Variants in GABRG3 observed in about 807,000 individuals in gnomAD.
GABRG3 encodes gamma-aminobutyric acid receptor subunit gamma-3.
Under a neutral mutation model 48.8 loss-of-function variants are expected in GABRG3, and 25 were observed. That is an observed-to-expected ratio of 0.51 (90% CI 0.37 to 0.72). GABRG3 has a LOEUF of 0.72. Among genes scored for constraint, GABRG3 ranks in the 30% least tolerant of loss-of-function variants. The probability of loss-of-function intolerance (pLI) is 0.00; values close to 1 mark genes in which losing one functional copy is unlikely to be tolerated. For missense variants in GABRG3, 394 were observed against 577.9 expected, an observed-to-expected ratio of 0.68 and a Z score of 3.26; for synonymous variants, 227 against 217.6, an observed-to-expected ratio of 1.04 and a Z score of -0.38.
At chr15:27,528,083 T>A in intron 9 of GABRG3, 91 bp downstream of exon 9, 3 of 940,448 alleles carry the variant, frequency 3.2e-6, no homozygotes, top group Non-Finnish European at 5.1e-6. Flanking sequence ...GATGCATGCA[T>A]GTATTGAAGA....
In GABRG3 at chr15:27,270,910, A is replaced by G. The variant is rs150725028; in HGVS notation, c.271-55899A>G. Among the ~76,000 whole-genome samples the G allele has an allele frequency of 9.8e-3, 1,495 of 152,336 alleles. 26 individuals are homozygous for G. Among genetic ancestry groups the G allele is most frequent in the African/African-American group, 0.034 (1,418 of 41,566 alleles). ...TTAAAAAGGTGATGCACCATGATTCACTATCCAGGACCAAACATTATAAGG... is the reference window on the plus strand; with the variant it reads ...TTAAAAAGGTGATGCACCATGATTCGCTATCCAGGACCAAACATTATAAGG... On this transcript the variant is annotated intron_variant, in intron 3 of 9. Coordinates refer to ENST00000615808, the MANE Select transcript of GABRG3 (RefSeq NM_033223.5).
chr15:27,098,698 A>G (rs1005627330), intron 3 of GABRG3, among the ~76,000 whole-genome samples: 1 of 152,262 alleles, frequency 6.6e-6, no homozygotes, highest in African/African-American at 2.4e-5. Context: ...TACTTGTCCA[A>G]GTAAATTAGA....
intron 3 of GABRG3, among the ~76,000 whole-genome samples, chr15:27,315,716 A>G (rs1893189961): frequency 6.6e-6 from 1 of 152,206 alleles, no homozygotes; most frequent in Non-Finnish European, 1.5e-5. Context: ...TTTTGGTAAC[A>G]CCATTTTTAT....
intron 3 of GABRG3, among the ~76,000 whole-genome samples, chr15:27,133,842 C>A (rs573099834): frequency 6.6e-6 from 1 of 152,174 alleles, no homozygotes; most frequent in African/African-American, 2.4e-5. Flanking sequence ...GTTCATCTTA[C>A]GGTATGCACT....
intron 6 of GABRG3, among the ~76,000 whole-genome samples, chr15:27,499,600 G>A (rs1299900920): frequency 6.6e-6 from 1 of 152,240 alleles, no homozygotes; most frequent in African/African-American, 2.4e-5. Flanking sequence ...CCATAAGCAT[G>A]AGCATCAATT....
At chr15:27,183,651 A>G (rs960936550) in intron 3 of GABRG3, among the ~76,000 whole-genome samples, 1 of 152,248 alleles carries the variant, frequency 6.6e-6, no homozygotes, top group Non-Finnish European at 1.5e-5. Context: ...ATGCACAAGC[A>G]TACATTTCCA....
intron 3 of GABRG3, among the ~76,000 whole-genome samples, chr15:27,211,901 A>T (rs745427812): frequency 6.6e-6 from 1 of 152,234 alleles, no homozygotes; most frequent in African/African-American, 2.4e-5. Flanking sequence ...ATGAGTTACC[A>T]TGCCCATCCC....
Position 27,174,809 on chromosome 15 carries a change from C to G in GABRG3, c.270+147988C>G, listed in dbSNP as rs571932139. Among the ~76,000 whole-genome samples the G allele has an allele frequency of 6.8e-4, 103 of 152,172 alleles. 1 individual carries two copies. Among genetic ancestry groups the G allele is most frequent in the African/African-American group, 2.4e-3 (100 of 41,526 alleles). On this transcript the variant is annotated intron_variant, in intron 3 of 9. Transcript: ENST00000615808. ...GGTCCTTGGGCATCACATGCTGTCCCAGCATTTCTGTACATTTCTTTACCA... is the reference window on the plus strand; with the variant it reads ...GGTCCTTGGGCATCACATGCTGTCCGAGCATTTCTGTACATTTCTTTACCA...
At chr15:27,358,214 A>G (rs1894904135) in intron 5 of GABRG3, among the ~76,000 whole-genome samples, 1 of 152,224 alleles carries the variant, frequency 6.6e-6, no homozygotes, top group Non-Finnish European at 1.5e-5. Context: ...CATTTTCAAG[A>G]AAATGGCTAC....
chr15:27,255,212 C>T (rs189638659), intron 3 of GABRG3, among the ~76,000 whole-genome samples: 446 of 152,270 alleles, frequency 2.9e-3, no homozygotes, highest in Non-Finnish European at 4.8e-3. Context: ...CCTGGGGTGG[C>T]GGGAGCAGGA....
intron 3 of GABRG3, among the ~76,000 whole-genome samples, chr15:27,314,081 A>G (rs1893126765): frequency 6.6e-6 from 1 of 152,170 alleles, no homozygotes; most frequent in African/African-American, 2.4e-5. Flanking sequence ...AAGAAAAGAA[A>G]GAAAAAAGAA....
chr15:27,097,397 T>G (rs1268889598), intron 3 of GABRG3, among the ~76,000 whole-genome samples: 1 of 152,144 alleles, frequency 6.6e-6, no homozygotes, highest in Non-Finnish European at 1.5e-5. Flanking sequence ...TAGACACAGC[T>G]CACCTCATTC....
intron 3 of GABRG3, among the ~76,000 whole-genome samples, chr15:27,307,905 A>G (rs1164470460): frequency 3.8e-5 from 3 of 78,812 alleles, no homozygotes; most frequent in Non-Finnish European, 8.4e-5. Flanking sequence ...TATATAAAAT[A>G]AACATGTTTA....
chr15:27,283,131 G>T (rs1891492524), intron 3 of GABRG3, among the ~76,000 whole-genome samples: 1 of 152,208 alleles, frequency 6.6e-6, no homozygotes, highest in Admixed American at 6.5e-5. Flanking sequence ...CTCTTGGCAA[G>T]GTGGAGGGCT....
Position 26,976,188 on chromosome 15 carries a change from G to A in GABRG3, c.54-814G>A, listed in dbSNP as rs528143030. Among the ~76,000 whole-genome samples, 1 of 151,838 alleles carries A rather than the reference G, an allele frequency of 6.6e-6. No homozygotes were observed. The highest frequency in any genetic ancestry group is 1.9e-4 in the East Asian group (1 of 5,150). On this transcript the variant is annotated intron_variant, in intron 1 of 9. Transcript: ENST00000615808. This position sits in a 1 kb window ranked among gnomAD's most constrained non-coding sequence, Gnocchi z 7.8. ...TCTCCATTCAGGCACTCCTGTCAGT[G>A]TGTGTCACACGGGAGAGGAGGCTGT...
chr15:27,086,328 A>G (rs567484038), intron 3 of GABRG3, among the ~76,000 whole-genome samples: 32 of 147,820 alleles, frequency 2.2e-4, no homozygotes, highest in African/African-American at 2.2e-4. Flanking sequence ...AGTTCTGCGC[A>G]TTTACAAAGG....
chr15:27,532,980 A>G lies in GABRG3; in HGVS notation c.*99A>G, dbSNP rs1331749952. ...CCAATCGGGAGTAGCAAGGAAGGAC[A>G]CTGCCCAGTGTATCTTGTTATAAAT... On this transcript the variant is annotated 3_prime_UTR_variant, in exon 10 of 10. Transcript: ENST00000615808. The G allele has an allele frequency of 1.8e-6, 2 of 1,106,162 alleles. No individual in the cohort carries two copies. The highest frequency in any genetic ancestry group is 3.1e-5 in the African/African-American group (2 of 64,292). 68.5% of individuals were successfully genotyped at this position (1,106,162 alleles called of 1,614,324 possible).
intron 3 of GABRG3, among the ~76,000 whole-genome samples, chr15:27,133,170 A>C (rs1449710864): frequency 2.0e-5 from 3 of 151,988 alleles, no homozygotes; most frequent in East Asian, 3.9e-4. Context: ...TTTTTCCCTA[A>C]ACTATAGAGA....
At chr15:27,389,044 T>A (rs1418613721) in intron 5 of GABRG3, among the ~76,000 whole-genome samples, 1 of 152,232 alleles carries the variant, frequency 6.6e-6, no homozygotes, top group Non-Finnish European at 1.5e-5. Context: ...ATAATGTTCC[T>A]GCTGAACAGA....
Sources: gnomAD v4.1 joint callset for allele counts (sites outside exome capture counted in the v4.1 genomes callset) on GRCh38, gnomAD v4.1.1 for gene constraint, Gnocchi (gnomAD v3.1) non-coding constraint, MANE v1.5 for transcripts, NCBI Gene and HGNC (gene_info 2026-07-23, HGNC 2026-07-21) for gene names.